Variants in SNX10 observed in about 807,000 individuals in gnomAD.
SNX10 encodes sorting nexin-10.
A neutral mutation model predicts 28.5 loss-of-function variants in SNX10; 25 were observed. The observed-to-expected ratio is 0.88, with a 90% CI of 0.64 to 1.22. SNX10 has a LOEUF of 1.22. Among genes scored for constraint, SNX10 ranks in the 50% most tolerant of loss-of-function variants. The probability of loss-of-function intolerance (pLI) is 0.00; values close to 1 mark genes in which losing one functional copy is unlikely to be tolerated. For missense variants in SNX10, 223 were observed against 242.6 expected (o/e 0.92, Z 0.54); for synonymous variants, 62 against 81.4 (o/e 0.76, Z 1.28).
rs1348998390 is a variant in SNX10 at position 26,372,051 on chromosome 7, G to T, written c.524+18G>T. On this transcript the variant is annotated intron_variant, in intron 6 of 6. Coordinates refer to ENST00000338523, the MANE Select transcript of SNX10 (RefSeq NM_013322.3). ...TCAGAAAGGTATTTCCTTGCATTTT[G>T]ATTTAATGTATATGTATTTATATAA... The T allele has an allele frequency of 6.7e-7, 1 of 1,496,018 alleles. No homozygotes were observed. The highest frequency in any genetic ancestry group is 2.3e-5 in the East Asian group (1 of 43,970). 92.7% of individuals were successfully genotyped at this position (1,496,018 alleles called of 1,614,324 possible).
At chr7:26,358,464 G>A (rs1788913677) in intron 2 of SNX10, among the ~76,000 whole-genome samples, 1 of 152,190 alleles carries the variant, frequency 6.6e-6, no homozygotes, top group Non-Finnish European at 1.5e-5. Flanking sequence ...ACTGGCTGGG[G>A]CACAGTGGCT....
At chr7:26,328,747 T>G (rs1203795018) in intron 1 of SNX10, among the ~76,000 whole-genome samples, 1 of 152,134 alleles carries the variant, frequency 6.6e-6, no homozygotes, top group Non-Finnish European at 1.5e-5. Context: ...GTGGGGAGAA[T>G]GCCTTCTTTC....
At chr7:26,336,213 A>T (rs1313009599) in intron 1 of SNX10, among the ~76,000 whole-genome samples, 1 of 152,214 alleles carries the variant, frequency 6.6e-6, no homozygotes, top group African/African-American at 2.4e-5. Flanking sequence ...TCTTTTAAAA[A>T]ACATGTTTTG....
chr7:26,306,942 C>T (rs1363936963), intron 1 of SNX10, among the ~76,000 whole-genome samples: 3 of 152,168 alleles, frequency 2.0e-5, no homozygotes, highest in African/African-American at 7.2e-5. Flanking sequence ...TGGGAAAGGG[C>T]AGAATGTGAA....
At chr7:26,308,183 A>T (rs1202546718) in intron 1 of SNX10, among the ~76,000 whole-genome samples, 3 of 152,176 alleles carry the variant, frequency 2.0e-5, no homozygotes, top group Admixed American at 2.0e-4. Context: ...GGCCTCAGAA[A>T]ACAGTACCTC....
chr7:26,303,016 G>T (rs1306177166), intron 1 of SNX10, among the ~76,000 whole-genome samples: 1 of 152,050 alleles, frequency 6.6e-6, no homozygotes, highest in Non-Finnish European at 1.5e-5. Context: ...AGAATGAGAG[G>T]ACCCTAAAGG....
chr7:26,338,340 A>G (rs1788024410), intron 1 of SNX10, among the ~76,000 whole-genome samples: 1 of 152,002 alleles, frequency 6.6e-6, no homozygotes, highest in African/African-American at 2.4e-5. Flanking sequence ...CACCTTGCCC[A>G]CTGCCTAGAC....
At position 26,322,734 on chromosome 7, in the gene SNX10, G is replaced by A. The variant is rs115675071; in HGVS notation, c.-23-23686G>A. Among the ~76,000 whole-genome samples, 138 of 152,258 alleles carry A rather than the reference G, an allele frequency of 9.1e-4. 1 individual carries two copies. Among genetic ancestry groups the A allele is most frequent in the African/African-American group, 2.7e-3 (111 of 41,556 alleles). ...TAAACAAAAAAGGTTTTGTATTCTT[G>A]GAGGTTGGAATAAAGATCTGTTCTC... On this transcript the variant is annotated intron_variant, in intron 1 of 6. Transcript: ENST00000338523.
chr7:26,355,233 G>A (rs1388932937), intron 2 of SNX10, among the ~76,000 whole-genome samples: 2 of 152,164 alleles, frequency 1.3e-5, no homozygotes, highest in African/African-American at 4.8e-5. Context: ...TCTTGCTGCT[G>A]TAGCCTTAAC....
intron 2 of SNX10, 54 bp from the exon 3 acceptor site, chr7:26,360,921 C>G: frequency 4.0e-6 from 6 of 1,490,820 alleles, no homozygotes; most frequent in Non-Finnish European, 3.6e-6. Context: ...TCAGTTCTTT[C>G]CAGTCCTACT....
intron 3 of SNX10, among the ~76,000 whole-genome samples, chr7:26,361,840 C>G (rs1257641924): frequency 6.6e-6 from 1 of 152,216 alleles, no homozygotes; most frequent in Non-Finnish European, 1.5e-5. Flanking sequence ...ATTTGGCCCT[C>G]AGGCTGTAGT....
intron 1 of SNX10, among the ~76,000 whole-genome samples, chr7:26,292,776 C>T (rs1185589498): frequency 2.0e-5 from 3 of 152,258 alleles, no homozygotes; most frequent in East Asian, 3.9e-4. Flanking sequence ...AAAATTAGAA[C>T]GGGGAGGAGG....
chr7:26,347,768 T>G (rs1264549358), intron 2 of SNX10, among the ~76,000 whole-genome samples: 1 of 152,128 alleles, frequency 6.6e-6, no homozygotes, highest in Non-Finnish European at 1.5e-5. Context: ...AAGAATCTCT[T>G]GAACCTGGGA....
chr7:26,318,053 A>C (rs537091543), intron 1 of SNX10, among the ~76,000 whole-genome samples: 16 of 152,310 alleles, frequency 1.1e-4, no homozygotes, highest in Admixed American at 7.2e-4. Flanking sequence ...CACATTCAGA[A>C]TGGAGCTTAC....
At chr7:26,304,945 G>T (rs1221229389) in intron 1 of SNX10, among the ~76,000 whole-genome samples, 1 of 152,128 alleles carries the variant, frequency 6.6e-6, no homozygotes, top group African/African-American at 2.4e-5. Context: ...CCGGCCCAGG[G>T]AAATCCAAAG....
intron 1 of SNX10, among the ~76,000 whole-genome samples, chr7:26,317,470 A>T (rs114201450): frequency 6.8e-4 from 103 of 152,310 alleles, no homozygotes; most frequent in African/African-American, 2.3e-3. Context: ...CAAGGCCGAT[A>T]CATAGTCATC....
At chr7:26,299,748 C>G (rs1454901438) in intron 1 of SNX10, among the ~76,000 whole-genome samples, 1 of 151,656 alleles carries the variant, frequency 6.6e-6, no homozygotes, top group Non-Finnish European at 1.5e-5. Context: ...TTTCCCCAAA[C>G]TTTGAAATAA....
At chr7:26,317,589 T>C (rs1787139546) in intron 1 of SNX10, among the ~76,000 whole-genome samples, 1 of 151,930 alleles carries the variant, frequency 6.6e-6, no homozygotes, top group South Asian at 2.1e-4. Flanking sequence ...ACCAAATACC[T>C]GGGAATAATT....
intron 1 of SNX10, among the ~76,000 whole-genome samples, chr7:26,310,762 A>C (rs1001538621): frequency 2.6e-5 from 4 of 151,690 alleles, no homozygotes; most frequent in Non-Finnish European, 4.4e-5. Flanking sequence ...GCTCACTGCA[A>C]GCTCCGCCTC....
Sources: gnomAD v4.1 joint callset for allele counts (sites outside exome capture counted in the v4.1 genomes callset) on GRCh38, gnomAD v4.1.1 for gene constraint, MANE v1.5 for transcripts, NCBI Gene and HGNC (gene_info 2026-07-23, HGNC 2026-07-21) for gene names.